The following MINDY3 variants were observed in gnomAD, a reference collection of about 807,000 sequenced individuals.
The protein encoded by MINDY3 is ubiquitin carboxyl-terminal hydrolase MINDY-3.
MINDY3 carries 38 observed loss-of-function variants against 69.2 expected under a neutral mutation model. That is an observed-to-expected ratio of 0.55 (90% CI 0.42 to 0.72). The LOEUF (loss-of-function observed/expected upper bound fraction) is 0.72, where lower values mean the gene tolerates loss of function less well. Among genes scored for constraint, MINDY3 ranks in the 30% least tolerant of loss-of-function variants. The pLI is 0.00. For synonymous variants in MINDY3, 192 were observed against 180.1 expected (o/e 1.07, Z -0.53); for missense variants, 522 against 519.0 (o/e 1.01, Z -0.06).
intron 9 of MINDY3, chr10:15,818,006 GAGA>G (rs1839489953): frequency 6.6e-6 from 1 of 152,256 alleles, no homozygotes; most frequent in Admixed American, 6.5e-5. Context: ...GGGAACAGCA[GAGA>G]AGAATAAAAG....
intron 2 of MINDY3, 22 bp from the exon 3 acceptor site, chr10:15,843,294 A>C: frequency 5.8e-6 from 9 of 1,563,734 alleles, no homozygotes; most frequent in Non-Finnish European, 7.9e-6. Flanking sequence ...TAAAGCAATA[A>C]TTAGTGAAAT....
At chr10:15,833,564 T>G in intron 8 of MINDY3, 66 bp downstream of exon 8, 1 of 1,025,156 alleles carries the variant, frequency 9.8e-7, no homozygotes, top group Non-Finnish European at 1.5e-6. Context: ...AGACGAATAA[T>G]AATCAGCTGT....
chr10:15,823,811 C>G (rs948522515), intron 8 of MINDY3, among the ~76,000 whole-genome samples: 1 of 152,132 alleles, frequency 6.6e-6, no homozygotes, highest in South Asian at 2.1e-4. Context: ...GCCACTGACC[C>G]TTCCCAGTCT....
chr10:15,785,844 G>T (rs987999316), intron 13 of MINDY3, among the ~76,000 whole-genome samples: 1 of 151,880 alleles, frequency 6.6e-6, no homozygotes, highest in Non-Finnish European at 1.5e-5. Context: ...TAATAATAGC[G>T]GTAAAATAGA....
Position 15,824,371 on chromosome 10 carries a change from T to C in MINDY3, c.731-2645A>G, listed in dbSNP as rs2132016154. 2.0e-5 allele frequency among the ~76,000 whole-genome samples: 3 copies of C among 152,332 alleles called. 1 individual carries two copies. The highest frequency in any genetic ancestry group is 2.0e-4 in the Admixed American group (3 of 15,300). ...TTTGTAGTTCTCTCATGATCAGTGATGTTGAACATTTTTTCATATACCTGT... is the reference window on the plus strand; with the variant it reads ...TTTGTAGTTCTCTCATGATCAGTGACGTTGAACATTTTTTCATATACCTGT... On this transcript the variant is annotated intron_variant, in intron 8 of 14. Coordinates refer to ENST00000277632, the MANE Select transcript of MINDY3 (RefSeq NM_024948.4).
chr10:15,819,204 C>T lies in MINDY3; in HGVS notation c.802-2289G>A, dbSNP rs115850298. Among the ~76,000 whole-genome samples the T allele has an allele frequency of 3.7e-3, 557 of 152,208 alleles. 6 individuals are homozygous for T. Among genetic ancestry groups the T allele is most frequent in the African/African-American group, 0.013 (537 of 41,528 alleles). ...GAAATCTGCTACACTTATCAAAGCA[C>T]GGGGAAATGTTCAGACTTACAAAAT... is the stretch of plus-strand genomic sequence containing the variant. On this transcript the variant is annotated intron_variant, in intron 9 of 14. Transcript: ENST00000277632.
intron 8 of MINDY3, among the ~76,000 whole-genome samples, chr10:15,825,134 T>C (rs114801155): frequency 0.017 from 2,608 of 152,222 alleles, 54 homozygotes; most frequent in African/African-American, 0.057. Context: ...ATCCGAAATG[T>C]TCCAAGATCT....
intron 1 of MINDY3, among the ~76,000 whole-genome samples, chr10:15,850,641 T>C (rs1405086371): frequency 6.6e-6 from 1 of 152,160 alleles, no homozygotes; most frequent in African/African-American, 2.4e-5. Context: ...TTGTCTGCTC[T>C]CAAACCCTGT....
At chr10:15,802,890 A>G (rs532689095) in intron 10 of MINDY3, among the ~76,000 whole-genome samples, 7 of 152,286 alleles carry the variant, frequency 4.6e-5, no homozygotes, top group East Asian at 3.9e-4. Flanking sequence ...TCTTTAGGCA[A>G]TAACTCTTAA....
chr10:15,783,068 T>C (rs1836670186), intron 13 of MINDY3, among the ~76,000 whole-genome samples: 1 of 152,112 alleles, frequency 6.6e-6, no homozygotes, highest in Admixed American at 6.6e-5. Context: ...TAGAATTTTT[T>C]CCAACTGGAA....
At chr10:15,843,070 G>A in intron 3 of MINDY3, 142 bp downstream of exon 3, 1 of 680,662 alleles carries the variant, frequency 1.5e-6, no homozygotes, top group Non-Finnish European at 2.6e-6. Context: ...TGGAGTCACT[G>A]TTCATGAAAC....
intron 10 of MINDY3, among the ~76,000 whole-genome samples, 174 bp from the exon 11 acceptor site, chr10:15,796,346 G>A (rs183888910): frequency 5.3e-4 from 80 of 151,868 alleles, no homozygotes; most frequent in Middle Eastern, 3.4e-3. Context: ...TTTATTTTAC[G>A]TCTGAAAAGT....
intron 2 of MINDY3, among the ~76,000 whole-genome samples, chr10:15,843,633 T>C (rs1833631188): frequency 1.3e-5 from 2 of 152,136 alleles, no homozygotes; most frequent in South Asian, 4.1e-4. Context: ...TTCATTTAGA[T>C]TCCTTCAGGT....
intron 8 of MINDY3, among the ~76,000 whole-genome samples, chr10:15,829,307 C>T (rs1305552471): frequency 2.6e-5 from 4 of 152,162 alleles, no homozygotes; most frequent in African/African-American, 9.7e-5. Context: ...GCAGAGCCGT[C>T]TGAATAGAAC....
chr10:15,860,433 G>A lies in MINDY3; in HGVS notation c.-134C>T. 1.4e-6 allele frequency: 1 copy of A among 720,168 alleles called. No individual in the cohort carries two copies. Among genetic ancestry groups the A allele is most frequent in the South Asian group, 1.5e-5 (1 of 66,292 alleles). The allele number at this position is 720,168 out of a possible 1,614,324, so 44.6% of individuals were successfully genotyped here. ...GGAAGGTGAGGCAGGAAAGAAGAAGGGGCTGAGAGCCACTTGCAGAGACCA... is the reference window on the plus strand; with the variant it reads ...GGAAGGTGAGGCAGGAAAGAAGAAGAGGCTGAGAGCCACTTGCAGAGACCA... On this transcript the variant is annotated 5_prime_UTR_variant, in exon 1 of 15. Coordinates refer to ENST00000277632, the MANE Select transcript of MINDY3 (RefSeq NM_024948.4).
intron 1 of MINDY3, among the ~76,000 whole-genome samples, chr10:15,850,399 A>G (rs1354493478): frequency 2.0e-5 from 3 of 152,194 alleles, no homozygotes; most frequent in Admixed American, 6.5e-5. Flanking sequence ...ACAGAGTCAT[A>G]TTTCTCTTCT....
chr10:15,798,683 G>A (rs1194978848), intron 10 of MINDY3, among the ~76,000 whole-genome samples: 1 of 152,072 alleles, frequency 6.6e-6, no homozygotes, highest in Admixed American at 6.6e-5. Context: ...GGGAGGCTGA[G>A]GCAGGAAAAT....
chr10:15,822,149 G>C (rs1268301420), intron 8 of MINDY3, among the ~76,000 whole-genome samples: 1 of 152,126 alleles, frequency 6.6e-6, no homozygotes, highest in Non-Finnish European at 1.5e-5. Flanking sequence ...TTTATCATTA[G>C]GTAGCAGTGA....
chr10:15,786,440 G>A (rs1189202868), intron 13 of MINDY3, 121 bp downstream of exon 13: 6 of 673,104 alleles, frequency 8.9e-6, no homozygotes, highest in Non-Finnish European at 1.6e-5. Context: ...CCATGTAACG[G>A]TGTTTTCTCA....
Sources: gnomAD v4.1 joint callset for allele counts (sites outside exome capture counted in the v4.1 genomes callset) on GRCh38, gnomAD v4.1.1 for gene constraint, MANE v1.5 for transcripts, NCBI Gene and HGNC (gene_info 2026-07-23, HGNC 2026-07-21) for gene names.